SMAD1: variants seen among roughly 807,000 people sequenced by gnomAD.
SMAD1 encodes the protein SMAD family member 1.
In SMAD1, 6 loss-of-function variants were observed where a neutral mutation model predicts 41.6. That is an observed-to-expected ratio of 0.14 (90% CI 0.08 to 0.28). The LOEUF (loss-of-function observed/expected upper bound fraction) is 0.28. Ranked by LOEUF, SMAD1 falls within the 10% of genes least tolerant of loss-of-function variation. SMAD1 has a pLI of 1.00. For synonymous variants in SMAD1, 206 were observed against 203.2 expected (o/e 1.01, Z -0.12); for missense variants, 379 against 582.6 (o/e 0.65, Z 3.60).
intron 5 of SMAD1, among the ~76,000 whole-genome samples, chr4:145,550,139 A>G (rs1732475818): frequency 6.6e-6 from 1 of 152,226 alleles, no homozygotes; most frequent in South Asian, 2.1e-4. Context: ...ATAAGGCAAG[A>G]TGATCATTAT....
At position 145,532,693 on chromosome 4, in the gene SMAD1, C is replaced by T. The variant is rs533032928; in HGVS notation, c.401-7111C>T. 1.9e-4 allele frequency among the ~76,000 whole-genome samples: 29 copies of T among 152,290 alleles called. No homozygotes were observed. The South Asian group carries it at 5.0e-3, about 26-fold the overall frequency. On this transcript the variant is annotated intron_variant, in intron 2 of 6. Transcript: ENST00000302085. Reference sequence around the variant, plus strand: ...TTTGAAGTTACCAAACAAGGGTCACCTTAGTGCACTAAGAAAGTGGTTCCC... The same window carrying T: ...TTTGAAGTTACCAAACAAGGGTCACTTTAGTGCACTAAGAAAGTGGTTCCC...
chr4:145,555,721 A>G (rs1732800898), intron 6 of SMAD1, among the ~76,000 whole-genome samples: 2 of 152,208 alleles, frequency 1.3e-5, no homozygotes, highest in Non-Finnish European at 2.9e-5. Flanking sequence ...TATGCATTCA[A>G]AATTTATTAG....
At position 145,514,772 on chromosome 4, in the gene SMAD1, G is replaced by A. The variant is rs781686297; in HGVS notation, c.159G>A (p.Lys53=). ...KKKGAMEELE[K]ALSCPGQPSN... ...AAGGTGCCATGGAGGAACTGGAAAAGGCCTTGAGCTGCCCAGGGCAACCGA... is the reference window on the plus strand; with the variant it reads ...AAGGTGCCATGGAGGAACTGGAAAAAGCCTTGAGCTGCCCAGGGCAACCGA... Residue 53 remains lysine (K), a synonymous_variant, in exon 2 of 7, where the codon AAG becomes AAA. Transcript: ENST00000302085. This position sits in a 1 kb window ranked among gnomAD's most constrained non-coding sequence, Gnocchi z 4.7. 6.2e-7 allele frequency: 1 copy of A among 1,614,120 alleles called. No homozygotes were observed. The highest frequency in any genetic ancestry group is 8.5e-7 in the Non-Finnish European group (1 of 1,180,024).
At chr4:145,527,218 C>A (rs1731061602) in intron 2 of SMAD1, among the ~76,000 whole-genome samples, 1 of 149,404 alleles carries the variant, frequency 6.7e-6, no homozygotes, top group Non-Finnish European at 1.5e-5. Context: ...CATCTATTCT[C>A]ATTTAATTCT....
At chr4:145,547,034 A>G in intron 5 of SMAD1, 110 bp downstream of exon 5, 1 of 836,050 alleles carries the variant, frequency 1.2e-6, no homozygotes, top group Non-Finnish European at 2.0e-6. Context: ...AGACCAGGTA[A>G]TGTTCACTTG....
chr4:145,557,160 T>C (rs576996366), intron 6 of SMAD1, among the ~76,000 whole-genome samples: 18 of 152,368 alleles, frequency 1.2e-4, no homozygotes, highest in Middle Eastern at 6.8e-3. Flanking sequence ...TTTTTCATAG[T>C]GACTTTATTC....
intron 5 of SMAD1, among the ~76,000 whole-genome samples, chr4:145,551,243 T>G (rs1390487946): frequency 6.6e-6 from 1 of 152,154 alleles, no homozygotes; most frequent in Admixed American, 6.5e-5. Context: ...AGCAAATCAG[T>G]AGAGTCTTCT....
chr4:145,493,984 CAG>C (rs533357368), intron 1 of SMAD1, among the ~76,000 whole-genome samples: 6 of 152,198 alleles, frequency 3.9e-5, no homozygotes, highest in African/African-American at 1.4e-4. Context: ...TTTTTTGAGA[CAG>C]AGTCTCACCC....
At chr4:145,502,965 G>C (rs903391803) in intron 1 of SMAD1, 1 of 152,072 alleles carries the variant, frequency 6.6e-6, no homozygotes, top group South Asian at 2.1e-4. Flanking sequence ...GTCAGTGTCT[G>C]CGCTTTAAAC....
At chr4:145,531,912 C>G (rs191518424) in intron 2 of SMAD1, among the ~76,000 whole-genome samples, 3 of 151,894 alleles carry the variant, frequency 2.0e-5, no homozygotes, top group Non-Finnish European at 4.4e-5. Flanking sequence ...TGCTTTCTCA[C>G]GAACATTTGG....
intron 1 of SMAD1, among the ~76,000 whole-genome samples, chr4:145,510,809 C>G (rs1730033244): frequency 6.6e-6 from 1 of 152,100 alleles, no homozygotes; most frequent in Non-Finnish European, 1.5e-5. Flanking sequence ...TAATCTCCCA[C>G]TAGGATTGTG....
At chr4:145,493,091 C>A (rs1381934099) in intron 1 of SMAD1, among the ~76,000 whole-genome samples, 2 of 152,166 alleles carry the variant, frequency 1.3e-5, no homozygotes, top group African/African-American at 4.8e-5. Context: ...TTCAGGCTCA[C>A]AACTTGGCCC....
chr4:145,553,481 A>G (rs1028420037), intron 5 of SMAD1, among the ~76,000 whole-genome samples: 3 of 152,114 alleles, frequency 2.0e-5, no homozygotes, highest in African/African-American at 7.2e-5. Context: ...ACAGTTCACC[A>G]TAGGGTTCAT....
chr4:145,496,542 G>A (rs780304329), intron 1 of SMAD1, among the ~76,000 whole-genome samples: 24 of 152,138 alleles, frequency 1.6e-4, no homozygotes, highest in Admixed American at 1.3e-3. Context: ...GGTTCGAACC[G>A]CAGGAGTCCA....
chr4:145,549,535 T>C (rs1304896128), intron 5 of SMAD1, among the ~76,000 whole-genome samples: 1 of 152,218 alleles, frequency 6.6e-6, no homozygotes, highest in Non-Finnish European at 1.5e-5. Context: ...GAGTAAATTG[T>C]CACAATAGAT....
upstream of SMAD1, chr4:145,481,828 CCGACTCCCTGACGCCAGCG>C (rs1728189591): frequency 6.0e-6 from 1 of 166,658 alleles, no homozygotes; most frequent in Admixed American, 6.4e-5. Flanking sequence ...CTGGGCAGCT[CCGACTCCCTGACGCCAGCG>C]CGACCAGATC....
intron 1 of SMAD1, among the ~76,000 whole-genome samples, chr4:145,494,001 G>A (rs1457710507): frequency 1.3e-5 from 2 of 152,074 alleles, no homozygotes; most frequent in Admixed American, 6.6e-5. Flanking sequence ...TCACCCTGTC[G>A]CCCAGGCTGG....
At chr4:145,557,669 G>A (rs1353239159) in intron 6 of SMAD1, 122 bp from the exon 7 acceptor site, 3 of 661,010 alleles carry the variant, frequency 4.5e-6, no homozygotes, top group Non-Finnish European at 4.8e-6. Context: ...CAGGGGCGGG[G>A]GGGTCAGGGA....
intron 1 of SMAD1, among the ~76,000 whole-genome samples, chr4:145,495,206 G>A (rs72722177): frequency 0.026 from 4,006 of 152,194 alleles, 73 homozygotes; most frequent in Middle Eastern, 0.054. Context: ...CTAAAGTTGA[G>A]GAACCCTGAA....
Sources: gnomAD v4.1 joint callset for allele counts (sites outside exome capture counted in the v4.1 genomes callset) on GRCh38, gnomAD v4.1.1 for gene constraint, Gnocchi (gnomAD v3.1) non-coding constraint, MANE v1.5 for transcripts, NCBI Gene and HGNC (gene_info 2026-07-23, HGNC 2026-07-21) for gene names.